RALYL: variants seen among roughly 807,000 people sequenced by gnomAD.
RALYL encodes RALY RNA binding protein like.
Under a neutral mutation model 35.1 loss-of-function variants are expected in RALYL, and 29 were observed. That is an observed-to-expected ratio of 0.83 (90% CI 0.61 to 1.13). The LOEUF (loss-of-function observed/expected upper bound fraction) is 1.13, where lower values mean the gene tolerates loss of function less well. Among genes scored for constraint, RALYL ranks in the 50% most tolerant of loss-of-function variants. The pLI, the probability that RALYL is intolerant of heterozygous loss-of-function variation, is 0.00. For synonymous variants in RALYL, 120 were observed against 127.6 expected, an observed-to-expected ratio of 0.94 and a Z score of 0.40; for missense variants, 359 against 360.4, an observed-to-expected ratio of 1.00 and a Z score of 0.03.
intron 1 of RALYL, among the ~76,000 whole-genome samples, chr8:84,332,628 A>G (rs966682065): frequency 6.6e-6 from 1 of 152,112 alleles, no homozygotes; most frequent in Non-Finnish European, 1.5e-5. Context: ...ATTATTAATA[A>G]TATTTCCCCT....
intron 1 of RALYL, among the ~76,000 whole-genome samples, chr8:84,428,896 C>T (rs1020812963): frequency 3.3e-5 from 5 of 152,058 alleles, no homozygotes; most frequent in Non-Finnish European, 7.4e-5. Context: ...AATTTATAAA[C>T]CACCTTTAAT....
intron 7 of RALYL, among the ~76,000 whole-genome samples, chr8:84,878,708 T>C (rs1397608272): frequency 6.6e-6 from 1 of 150,484 alleles, no homozygotes; most frequent in Admixed American, 6.6e-5. Context: ...AGAGCTTTTA[T>C]AAATTAACAT....
intron 4 of RALYL, among the ~76,000 whole-genome samples, chr8:84,835,775 T>C (rs1347695830): frequency 6.6e-6 from 1 of 151,858 alleles, no homozygotes; most frequent in Non-Finnish European, 1.5e-5. Flanking sequence ...GGAAACCTTT[T>C]GTTGAGCCAT....
rs141242004 is a variant in RALYL, at chr8:84,262,435, G to A, written c.-24+78011G>A. Among the ~76,000 whole-genome samples, 1,179 of 152,202 alleles carry A rather than the reference G, an allele frequency of 7.7e-3. 19 individuals are homozygous for A. The highest frequency in any genetic ancestry group is 0.027 in the African/African-American group (1,134 of 41,556). On this transcript the variant is annotated intron_variant, in intron 1 of 8. Transcript: ENST00000521268. ...GTTTATAGTTTCTTTTTCTGGAGAT[G>A]CCAAATGATAATTATTGAATAAAAT...
chr8:84,311,284 G>T (rs1842770734), intron 1 of RALYL, among the ~76,000 whole-genome samples: 2 of 151,652 alleles, frequency 1.3e-5, no homozygotes, highest in African/African-American at 2.4e-5. Context: ...TAAAAAGTCA[G>T]TTAAAGAAGA....
At chr8:84,247,463 C>T (rs1586520375) in intron 1 of RALYL, among the ~76,000 whole-genome samples, 1 of 151,368 alleles carries the variant, frequency 6.6e-6, no homozygotes, top group East Asian at 1.9e-4. Context: ...CTTTAGCAGG[C>T]CAAATATTAG....
At chr8:84,830,063 C>A (rs1830567010) in intron 4 of RALYL, among the ~76,000 whole-genome samples, 1 of 142,134 alleles carries the variant, frequency 7.0e-6, no homozygotes, top group South Asian at 2.2e-4. Context: ...AGAAAAAGCA[C>A]AAAAGTATGA....
At chr8:84,445,503 G>C (rs1024109744) in intron 1 of RALYL, among the ~76,000 whole-genome samples, 25 of 151,898 alleles carry the variant, frequency 1.6e-4, no homozygotes, top group Admixed American at 6.6e-4. Context: ...TAAAACTGTA[G>C]TACGTGTTTT....
intron 5 of RALYL, among the ~76,000 whole-genome samples, chr8:84,859,719 G>A (rs776890740): frequency 3.3e-5 from 5 of 152,008 alleles, no homozygotes; most frequent in Non-Finnish European, 7.4e-5. Context: ...CAGGCACGGT[G>A]GCATGCAGTA....
intron 1 of RALYL, among the ~76,000 whole-genome samples, chr8:84,186,484 A>G (rs1044716109): frequency 2.0e-5 from 3 of 151,962 alleles, no homozygotes; most frequent in African/African-American, 7.2e-5. Context: ...AGTTCTTTTA[A>G]GAGAGAGAGA....
intron 1 of RALYL, among the ~76,000 whole-genome samples, chr8:84,241,219 G>C (rs1586470329): frequency 2.0e-5 from 3 of 152,198 alleles, no homozygotes; most frequent in African/African-American, 7.2e-5. Flanking sequence ...TTTATGGTGA[G>C]GTGTATTGTC....
chr8:84,792,459 T>TC (rs1297855062), intron 3 of RALYL, among the ~76,000 whole-genome samples: 1 of 151,932 alleles, frequency 6.6e-6, no homozygotes, highest in African/African-American at 2.4e-5. Flanking sequence ...TCCTCTCATC[T>TC]CCCCCTGGAG....
At chr8:84,869,215 G>C (rs1267152328) in intron 6 of RALYL, among the ~76,000 whole-genome samples, 1 of 152,092 alleles carries the variant, frequency 6.6e-6, no homozygotes, top group Non-Finnish European at 1.5e-5. Flanking sequence ...GAAAATCTAG[G>C]TTTGAGCCTA....
chr8:84,736,112 G>T (rs147415920), intron 2 of RALYL, among the ~76,000 whole-genome samples: 1 of 152,016 alleles, frequency 6.6e-6, no homozygotes, highest in Non-Finnish European at 1.5e-5. Context: ...AATTCATAAC[G>T]AACAAAGAAT....
chr8:84,892,134 T>C (rs2135469764), intron 8 of RALYL, among the ~76,000 whole-genome samples: 1 of 152,338 alleles, frequency 6.6e-6, no homozygotes. Context: ...GTTCTAAATA[T>C]ACACTTAGTG....
In RALYL at chr8:84,469,158, C is replaced by T. The variant is rs576738412; in HGVS notation, c.-23-60141C>T. Among the ~76,000 whole-genome samples, 7 of 152,320 alleles carry T rather than the reference C, an allele frequency of 4.6e-5. No homozygotes were observed. The South Asian group carries it at 1.4e-3, about 32-fold the overall frequency. The stretch of plus-strand genomic sequence containing the variant: ...CTTCTCTCAGCTCGTCAGTCATTCT[C>T]CATCCAGTTTTGTTCCATTGCTGGT... On this transcript the variant is annotated intron_variant, in intron 1 of 8. Transcript: ENST00000521268.
intron 5 of RALYL, among the ~76,000 whole-genome samples, chr8:84,851,722 G>A (rs915154865): frequency 1.3e-5 from 2 of 151,938 alleles, no homozygotes; most frequent in Non-Finnish European, 2.9e-5. Context: ...TCCTTTCTCT[G>A]TGTTGTTCCA....
At chr8:84,303,150 G>A (rs1841140773) in intron 1 of RALYL, among the ~76,000 whole-genome samples, 1 of 152,146 alleles carries the variant, frequency 6.6e-6, no homozygotes, top group South Asian at 2.1e-4. Flanking sequence ...ATGTTTGAGA[G>A]ACTGACATGT....
In RALYL at chr8:84,388,395, C is replaced by T. The variant is rs558122493; in HGVS notation, c.-23-140904C>T. ...GCTGGGTCAAATGGTATTTGTAGTTCTAGATCCCTGAGGAATCGCCACACT... is the reference window on the plus strand; with the variant it reads ...GCTGGGTCAAATGGTATTTGTAGTTTTAGATCCCTGAGGAATCGCCACACT... On this transcript the variant is annotated intron_variant, in intron 1 of 8. Transcript: ENST00000521268. Among the ~76,000 whole-genome samples the T allele has an allele frequency of 3.3e-3, 501 of 152,258 alleles. 4 individuals carry two copies. Among genetic ancestry groups the T allele is most frequent in the African/African-American group, 0.012 (488 of 41,552 alleles).
Sources: allele counts gnomAD v4.1 joint callset (sites outside exome capture counted in the v4.1 genomes callset), GRCh38; gene constraint gnomAD v4.1.1; transcripts MANE v1.5; gene names NCBI Gene and HGNC (gene_info 2026-07-23, HGNC 2026-07-21).